The following CACNA2D1 variants were observed in gnomAD, a reference collection of about 807,000 sequenced individuals.
CACNA2D1 encodes calcium voltage-gated channel auxiliary subunit alpha2delta 1.
In CACNA2D1, 53 loss-of-function variants were observed where a neutral mutation model predicts 171.5. The observed-to-expected ratio is 0.31, with a 90% CI of 0.25 to 0.39. The LOEUF is 0.39. CACNA2D1 is among the 10% of genes least tolerant of loss of function. The pLI is 1.00. For missense variants in CACNA2D1, 903 were observed against 1,299.8 expected (o/e 0.69, Z 4.69); for synonymous variants, 442 against 443.1 (o/e 1.00, Z 0.03).
Position 82,443,569 on chromosome 7 carries a change from TG to T in CACNA2D1, c.-111del. On this transcript the variant is annotated 5_prime_UTR_variant, in exon 1 of 39. Coordinates refer to ENST00000356860, the MANE Select transcript of CACNA2D1 (RefSeq NM_000722.4). ...ACACGCCGCCGGGACCGCGGGCGTC[TG>T]GAGGGCTGGCTGCGCCCGGGGCCCG... is the stretch of plus-strand genomic sequence containing the variant. 1 of 1,495,974 alleles carries T rather than the reference TG, an allele frequency of 6.7e-7. No homozygotes were observed. Among genetic ancestry groups the T allele is most frequent in the Non-Finnish European group, 8.9e-7 (1 of 1,120,592 alleles). The allele number at this position is 1,495,974 out of a possible 1,614,324, so 92.7% of individuals were successfully genotyped here. A position where few individuals can be genotyped will look rare whatever the true frequency, so the allele number is the denominator to read the frequency against.
chr7:81,955,980 ATT>A (rs1164601123), intron 38 of CACNA2D1, among the ~76,000 whole-genome samples: 5,216 of 33,304 alleles, frequency 0.16, 59 homozygotes, highest in East Asian at 0.2. Flanking sequence ...ATATATATAT[ATT>A]TTTTTTTTTT....
chr7:81,984,506 C>T lies in CACNA2D1; in HGVS notation c.1873+129G>A, dbSNP rs1796757653. ...TGTTTGGAATGGGTTAGAATCATTGCTGTAGATTTGGTAATAACACCTACT... is the reference window on the plus strand; with the variant it reads ...TGTTTGGAATGGGTTAGAATCATTGTTGTAGATTTGGTAATAACACCTACT... On this transcript the variant is annotated intron_variant, in intron 22 of 38. Transcript: ENST00000356860. 1.0e-5 allele frequency: 7 copies of T among 690,662 alleles called. 1 individual carries two copies. The highest frequency in any genetic ancestry group is 9.0e-5 in the South Asian group (6 of 66,356). 42.8% of individuals were successfully genotyped at this position (690,662 alleles called of 1,614,324 possible). A position where few individuals can be genotyped will look rare whatever the true frequency, so the allele number is the denominator to read the frequency against.
chr7:82,272,970 T>C (rs1460313058), intron 3 of CACNA2D1, among the ~76,000 whole-genome samples: 1 of 152,120 alleles, frequency 6.6e-6, no homozygotes, highest in African/African-American at 2.4e-5. Flanking sequence ...CCACTTTATT[T>C]TGAGGTAATT....
chr7:82,412,530 G>A (rs561578691), intron 1 of CACNA2D1, among the ~76,000 whole-genome samples: 296 of 151,894 alleles, frequency 1.9e-3, no homozygotes, highest in Non-Finnish European at 3.4e-3. Flanking sequence ...TAATCTGCCC[G>A]CCTCAGCCTC....
At chr7:82,067,535 T>C (rs1807802044) in intron 7 of CACNA2D1, among the ~76,000 whole-genome samples, 1 of 152,208 alleles carries the variant, frequency 6.6e-6, no homozygotes, top group Admixed American at 6.5e-5. Flanking sequence ...TTTTTCTTAT[T>C]AGTAGCTATA....
intron 3 of CACNA2D1, among the ~76,000 whole-genome samples, chr7:82,181,577 A>G (rs536275480): frequency 6.6e-6 from 1 of 152,334 alleles, no homozygotes; most frequent in African/African-American, 2.4e-5. Flanking sequence ...TTGAAGTTTG[A>G]GAAGCACTGC....
chr7:82,096,815 T>C (rs1168372607), intron 6 of CACNA2D1, among the ~76,000 whole-genome samples: 2 of 151,976 alleles, frequency 1.3e-5, no homozygotes, highest in African/African-American at 4.8e-5. Flanking sequence ...TCATATTTAA[T>C]CATTTTTAAA....
chr7:82,357,710 G>T (rs1388786503), intron 1 of CACNA2D1, among the ~76,000 whole-genome samples: 5 of 137,432 alleles, frequency 3.6e-5, no homozygotes, highest in Non-Finnish European at 4.7e-5. Flanking sequence ...AGGGCTTGTT[G>T]TGGGGTGGGG....
At chr7:82,231,343 G>T (rs1585166808) in intron 3 of CACNA2D1, among the ~76,000 whole-genome samples, 1 of 152,140 alleles carries the variant, frequency 6.6e-6, no homozygotes, top group East Asian at 1.9e-4. Flanking sequence ...CTACTATAAG[G>T]CATAAGAAGA....
chr7:82,039,023 AGAGGAT>A (rs1353797041), intron 10 of CACNA2D1, among the ~76,000 whole-genome samples: 2 of 152,246 alleles, frequency 1.3e-5, no homozygotes, highest in Non-Finnish European at 2.9e-5. Context: ...ATCCAGGATA[AGAGGAT>A]GAGTGGAGTC....
intron 2 of CACNA2D1, among the ~76,000 whole-genome samples, chr7:82,345,579 A>T (rs1002767414): frequency 6.6e-6 from 1 of 152,062 alleles, no homozygotes; most frequent in Non-Finnish European, 1.5e-5. Flanking sequence ...ACTTTAAAAC[A>T]TTGTTTACAG....
intron 3 of CACNA2D1, among the ~76,000 whole-genome samples, chr7:82,290,125 A>G (rs917325011): frequency 2.6e-5 from 4 of 152,206 alleles, no homozygotes; most frequent in South Asian, 4.1e-4. Flanking sequence ...TACTTTTAAT[A>G]GCAAAAACCA....
At chr7:82,398,421 A>C (rs1043278395) in intron 1 of CACNA2D1, among the ~76,000 whole-genome samples, 2 of 152,238 alleles carry the variant, frequency 1.3e-5, no homozygotes, top group African/African-American at 4.8e-5. Context: ...TTATGTGGTG[A>C]GTAAATACAT....
chr7:82,041,378 A>G (rs1013796218), intron 10 of CACNA2D1, among the ~76,000 whole-genome samples: 1 of 152,164 alleles, frequency 6.6e-6, no homozygotes, highest in Non-Finnish European at 1.5e-5. Flanking sequence ...CTAGGAAAGA[A>G]GAGTGGAAGC....
At chr7:82,336,313 A>G (rs1456289037) in intron 2 of CACNA2D1, among the ~76,000 whole-genome samples, 2 of 152,234 alleles carry the variant, frequency 1.3e-5, no homozygotes, top group Non-Finnish European at 1.5e-5. Flanking sequence ...AAATGGACAC[A>G]GATACATACT....
rs567123109 is a variant in CACNA2D1, at chr7:82,386,594, G to A, written c.96-36945C>T. Among the ~76,000 whole-genome samples, 174 of 152,046 alleles carry A rather than the reference G, an allele frequency of 1.1e-3. 1 individual carries two copies. The highest frequency in any genetic ancestry group is 8.3e-4 in the South Asian group (4 of 4,816). ...CTAAAAATACAAAAATTAGCCAGGC[G>A]TGATGGCGCATGCCTGCAGTCCCAG... On this transcript the variant is annotated intron_variant, in intron 1 of 38. Coordinates refer to ENST00000356860, the MANE Select transcript of CACNA2D1 (RefSeq NM_000722.4).
At chr7:81,953,558 A>T (rs1239726619) in intron 38 of CACNA2D1, among the ~76,000 whole-genome samples, 3 of 53,450 alleles carry the variant, frequency 5.6e-5, no homozygotes, top group African/African-American at 6.8e-5. Context: ...ATATCAGATT[A>T]AAAAAAAAAC....
At chr7:82,083,376 A>G (rs1053977040) in intron 7 of CACNA2D1, among the ~76,000 whole-genome samples, 2 of 151,806 alleles carry the variant, frequency 1.3e-5, no homozygotes, top group African/African-American at 4.8e-5. Flanking sequence ...GGTTTATTAC[A>G]TCAGGTTTAT....
intron 5 of CACNA2D1, among the ~76,000 whole-genome samples, chr7:82,122,132 A>G (rs543418051): frequency 6.6e-6 from 1 of 152,278 alleles, no homozygotes; most frequent in South Asian, 2.1e-4. Context: ...ATCACAAAGC[A>G]GCTGAAATTG....
Sources: allele counts gnomAD v4.1 joint callset (sites outside exome capture counted in the v4.1 genomes callset), GRCh38; gene constraint gnomAD v4.1.1; transcripts MANE v1.5; gene names NCBI Gene and HGNC (gene_info 2026-07-23, HGNC 2026-07-21).